The following USP53 variants were observed in gnomAD, a reference collection of about 807,000 sequenced individuals.
The protein encoded by USP53 is ubiquitin specific peptidase 53.
A neutral mutation model predicts 94.9 loss-of-function variants in USP53; 71 were observed. That is an observed-to-expected ratio of 0.75 (90% confidence interval 0.62 to 0.91). The LOEUF (loss-of-function observed/expected upper bound fraction) is 0.91, where lower values mean the gene tolerates loss of function less well. Ranked by LOEUF, USP53 falls within the 40% of genes least tolerant of loss-of-function variation. The pLI is 0.00. For missense variants in USP53, 1,173 were observed against 1,281.0 expected, an observed-to-expected ratio of 0.92 and a Z score of 1.29; for synonymous variants, 375 against 422.7, an observed-to-expected ratio of 0.89 and a Z score of 1.39.
chr4:119,279,414 G>A, intron 17 of USP53, among the ~76,000 whole-genome samples: 1 of 149,430 alleles, frequency 6.7e-6, no homozygotes, highest in African/African-American at 2.5e-5. Flanking sequence ...AGGCTGCTCG[G>A]GGGTCAGGGG....
chr4:119,279,454 C>G (rs1467118232), intron 17 of USP53, among the ~76,000 whole-genome samples: 1 of 144,162 alleles, frequency 6.9e-6, no homozygotes, highest in African/African-American at 2.6e-5. Flanking sequence ...GGCAGTCTGC[C>G]GGTTCTCAGA....
At position 119,293,364 on chromosome 4, in the gene USP53, A is replaced by C; in HGVS notation, c.*153A>C. ...GGCCATTTAAATATAATAGGAACCT[A>C]CTGACCAAACCTAGTGATACATAAA... On this transcript the variant is annotated 3_prime_UTR_variant, in exon 19 of 19. Coordinates refer to ENST00000692078, the MANE Select transcript of USP53 (RefSeq NM_001371395.1). 1 of 845,860 alleles carries C rather than the reference A, an allele frequency of 1.2e-6. No individual in the cohort carries two copies. The highest frequency in any genetic ancestry group is 2.0e-5 in the South Asian group (1 of 49,686). The allele number at this position is 845,860 out of a possible 1,614,324, so 52.4% of individuals were successfully genotyped here.
chr4:119,269,944 TA>T, intron 15 of USP53, 107 bp downstream of exon 15: 1 of 436,962 alleles, frequency 2.3e-6, no homozygotes, highest in South Asian at 1.1e-4. Flanking sequence ...TAATATATAT[TA>T]AAAATACATA....
At chr4:119,282,020 CTG>C in intron 17 of USP53, among the ~76,000 whole-genome samples, 1 of 152,174 alleles carries the variant, frequency 6.6e-6, no homozygotes, top group East Asian at 1.9e-4. Context: ...CTTTTTGTCT[CTG>C]TGAATTGGAC....
At chr4:119,215,311 G>C (rs1743567084) in intron 2 of USP53, among the ~76,000 whole-genome samples, 1 of 152,130 alleles carries the variant, frequency 6.6e-6, no homozygotes, top group Non-Finnish European at 1.5e-5. Flanking sequence ...ATTTGCACAT[G>C]ATAGGAACAA....
At chr4:119,212,950 A>G (rs552320760) in intron 1 of USP53, 77 bp downstream of exon 1, 9 of 163,050 alleles carry the variant, frequency 5.5e-5, no homozygotes, top group Non-Finnish European at 1.1e-4. Flanking sequence ...GGACACTCTC[A>G]TTCTAGCCCC....
intron 17 of USP53, among the ~76,000 whole-genome samples, chr4:119,283,642 C>T (rs142712485): frequency 2.2e-4 from 34 of 151,690 alleles, no homozygotes; most frequent in African/African-American, 7.2e-4. Context: ...TTTTGTGACA[C>T]GTACCAAATG....
chr4:119,250,506 C>G (rs1748833082), intron 7 of USP53, among the ~76,000 whole-genome samples: 2 of 152,192 alleles, frequency 1.3e-5, no homozygotes, highest in African/African-American at 4.8e-5. Flanking sequence ...ATGAAATATA[C>G]TTTCCATATT....
intron 2 of USP53, among the ~76,000 whole-genome samples, chr4:119,214,557 A>G (rs1743451204): frequency 6.6e-6 from 1 of 152,046 alleles, no homozygotes; most frequent in African/African-American, 2.4e-5. Flanking sequence ...AGATAGTTTT[A>G]AAAAAGATAT....
At chr4:119,249,123 T>A (rs1748628406) in intron 7 of USP53, among the ~76,000 whole-genome samples, 2 of 152,248 alleles carry the variant, frequency 1.3e-5, no homozygotes, top group African/African-American at 4.8e-5. Flanking sequence ...ACTAAAATGT[T>A]TTAAAACTTA....
intron 3 of USP53, among the ~76,000 whole-genome samples, chr4:119,229,849 C>T (rs1382190955): frequency 1.3e-5 from 2 of 152,100 alleles, no homozygotes; most frequent in Non-Finnish European, 2.9e-5. Flanking sequence ...CTTTTTGCCA[C>T]CTATTAGATA....
intron 5 of USP53, among the ~76,000 whole-genome samples, chr4:119,241,047 A>G (rs1561229250): frequency 6.6e-6 from 1 of 152,174 alleles, no homozygotes; most frequent in Non-Finnish European, 1.5e-5. Flanking sequence ...CTGGCATTTC[A>G]GATATTTTTC....
chr4:119,228,946 G>A (rs954121558), intron 3 of USP53, among the ~76,000 whole-genome samples: 3 of 152,206 alleles, frequency 2.0e-5, no homozygotes, highest in Admixed American at 6.5e-5. Flanking sequence ...AGTTGCGTGT[G>A]TAAGTAGATT....
At chr4:119,281,082 A>C (rs755665091) in intron 17 of USP53, among the ~76,000 whole-genome samples, 1 of 152,194 alleles carries the variant, frequency 6.6e-6, no homozygotes, top group Non-Finnish European at 1.5e-5. Context: ...GAAAAGTTCA[A>C]TTTGGCACCA....
At chr4:119,280,047 A>C (rs1307949259) in intron 17 of USP53, among the ~76,000 whole-genome samples, 2 of 152,148 alleles carry the variant, frequency 1.3e-5, no homozygotes, top group African/African-American at 4.8e-5. Flanking sequence ...GGAAATGCAG[A>C]AATCACCCGT....
chr4:119,285,278 C>A (rs1330489376), intron 17 of USP53, among the ~76,000 whole-genome samples: 1 of 151,774 alleles, frequency 6.6e-6, no homozygotes, highest in Non-Finnish European at 1.5e-5. Context: ...AGTGTTTATA[C>A]CTAATGGACT....
At chr4:119,268,027 C>T (rs970291882) in intron 13 of USP53, among the ~76,000 whole-genome samples, 2 of 151,924 alleles carry the variant, frequency 1.3e-5, no homozygotes. Flanking sequence ...ATTGGCCGGG[C>T]GCGGTGGCGG....
chr4:119,260,031 T>C (rs1015275619), intron 10 of USP53, 106 bp downstream of exon 10: 1 of 713,638 alleles, frequency 1.4e-6, no homozygotes, highest in Non-Finnish European at 2.1e-6. Context: ...AGAATTAGCT[T>C]TAAGAATTTT....
At position 119,292,801 on chromosome 4, in the gene USP53, G is replaced by A; in HGVS notation, c.2812G>A (p.Glu938Lys). 6.2e-7 allele frequency: 1 copy of A among 1,612,372 alleles called. No homozygotes were observed. The highest frequency in any genetic ancestry group is 8.5e-7 in the Non-Finnish European group (1 of 1,179,400). The change falls in exon 19 of 19, where the codon GAG (glutamate) becomes AAG (lysine). Residue 938 changes from glutamate to lysine, a missense_variant. By Grantham distance (56) the Glu-to-Lys change is moderately conservative (BLOSUM62 1). Transcript: ENST00000692078. ...TGCTATAACCAGTGTGCCACAGTCA[G>A]AGAAAAGCGAATCTACACCTGATGT... is the stretch of plus-strand genomic sequence containing the variant. ...KYAITSVPQS[E>K]KSESTPDVKL...
Sources: allele counts gnomAD v4.1 joint callset (sites outside exome capture counted in the v4.1 genomes callset), GRCh38; gene constraint gnomAD v4.1.1; transcripts MANE v1.5; gene names NCBI Gene and HGNC (gene_info 2026-07-23, HGNC 2026-07-21).